Variants in ARF4 observed in about 807,000 individuals in gnomAD.
ARF4 encodes the protein ADP-ribosylation factor 4.
ARF4 carries 5 observed loss-of-function variants against 24.3 expected under a neutral mutation model. The ratio of observed to expected loss-of-function variants is 0.21; its 90% CI spans 0.11 to 0.43. ARF4 has a LOEUF of 0.43. ARF4 is among the 20% of genes least tolerant of loss of function. The pLI is 1.00. For synonymous variants in ARF4, 62 were observed against 73.5 expected, an observed-to-expected ratio of 0.84 and a Z score of 0.80; for missense variants, 107 against 213.0, an observed-to-expected ratio of 0.50 and a Z score of 3.10.
At position 57,590,335 on chromosome 3, in the gene ARF4, A is replaced by C. The variant is rs182318092; in HGVS notation, c.68-5871T>G. Among the ~76,000 whole-genome samples, 615 of 150,648 alleles carry C rather than the reference A, an allele frequency of 4.1e-3. 1 individual carries two copies. The highest frequency in any genetic ancestry group is 7.0e-3 in the Middle Eastern group (2 of 286). On this transcript the variant is annotated intron_variant, in intron 1 of 5. Transcript: ENST00000303436. Reference sequence around the variant, plus strand: ...CCCTGTCTCTACTAAAAAATACAAAAATTAGCCGGGCGCAGTGGCGGGTGC... The same window carrying C: ...CCCTGTCTCTACTAAAAAATACAAACATTAGCCGGGCGCAGTGGCGGGTGC...
rs2069849416 is a variant in ARF4, at chr3:57,572,155, G to GT, written c.*56dup. The GT allele has an allele frequency of 7.2e-7, 1 of 1,386,434 alleles. No individual in the cohort carries two copies. The allele number at this position is 1,386,434 out of a possible 1,614,324, so 85.9% of individuals were successfully genotyped here. On this transcript the variant is annotated 3_prime_UTR_variant, in exon 6 of 6. Transcript: ENST00000303436. Reference sequence around the variant, plus strand: ...AACCAAGATACAAACTAATTTTGTTGTAACAAGCCTAGACCAATTTTATCA... The same window carrying GT: ...AACCAAGATACAAACTAATTTTGTTGTTAACAAGCCTAGACCAATTTTATCA...
At chr3:57,595,202 CT>C (rs1343478291) in intron 1 of ARF4, among the ~76,000 whole-genome samples, 1 of 152,092 alleles carries the variant, frequency 6.6e-6, no homozygotes, top group Non-Finnish European at 1.5e-5. Flanking sequence ...TTCCTTGCCC[CT>C]CTGATACTTT....
At chr3:57,594,422 C>T (rs1448498346) in intron 1 of ARF4, among the ~76,000 whole-genome samples, 1 of 152,150 alleles carries the variant, frequency 6.6e-6, no homozygotes, top group Non-Finnish European at 1.5e-5. Flanking sequence ...GCAGTATGGG[C>T]AATATCATCA....
rs1183921834 is a variant in ARF4 at position 57,572,304 on chromosome 3, A to G, written c.457-6T>C. 1 of 1,598,750 alleles carries G rather than the reference A, an allele frequency of 6.3e-7. No individual in the cohort carries two copies. Among genetic ancestry groups the G allele is most frequent in the Non-Finnish European group, 8.6e-7 (1 of 1,167,430 alleles). ...CAAGTGGCTTGAACATACCACTGTA[A>G]AGAGAAGACAAGAAAATACTTGATT... On this transcript the variant is annotated splice_polypyrimidine_tract_variant and splice_region_variant and intron_variant, in intron 5 of 5. Coordinates refer to ENST00000303436, the MANE Select transcript of ARF4 (RefSeq NM_001660.4).
At chr3:57,580,405 C>A (rs1370300482) in intron 3 of ARF4, among the ~76,000 whole-genome samples, 1 of 151,774 alleles carries the variant, frequency 6.6e-6, no homozygotes. Context: ...TTTGTTTCTT[C>A]TTTTTTTCAA....
intron 1 of ARF4, among the ~76,000 whole-genome samples, chr3:57,595,952 C>CAA (rs1418504496): frequency 4.6e-5 from 6 of 129,658 alleles, no homozygotes; most frequent in South Asian, 2.4e-4. Context: ...ACTCCGTCTG[C>CAA]AAAAAAAAAA....
chr3:57,582,015 T>C (rs995670267), intron 3 of ARF4, among the ~76,000 whole-genome samples: 3 of 152,200 alleles, frequency 2.0e-5, no homozygotes, highest in Non-Finnish European at 4.4e-5. Context: ...CCCTGGAGTA[T>C]ATCGGATTTT....
chr3:57,574,322 T>C (rs1255446966), intron 5 of ARF4, among the ~76,000 whole-genome samples: 1 of 152,140 alleles, frequency 6.6e-6, no homozygotes, highest in African/African-American at 2.4e-5. Flanking sequence ...AAAACTACTG[T>C]AAAAAGCCTA....
chr3:57,595,763 A>G (rs577545512), intron 1 of ARF4, among the ~76,000 whole-genome samples: 2 of 152,234 alleles, frequency 1.3e-5, no homozygotes, highest in South Asian at 4.1e-4. Flanking sequence ...AGACTGGCCA[A>G]CGTGGTGAAA....
intron 3 of ARF4, among the ~76,000 whole-genome samples, chr3:57,581,042 G>A (rs2069964800): frequency 6.6e-6 from 1 of 152,060 alleles, no homozygotes; most frequent in African/African-American, 2.4e-5. Context: ...AGAAAAGCTA[G>A]GATTCTACAG....
Position 57,597,229 on chromosome 3 carries a change from CG to C in ARF4, c.-90del, listed in dbSNP as rs2070201328. On this transcript the variant is annotated 5_prime_UTR_variant, in exon 1 of 6. Transcript: ENST00000303436. Reference sequence around the variant, plus strand: ...CTTTCAAGCTCCCAGGCAAACTAAACGAGAGGGAAGAGAAAGAGCGGAGGAA... The same window carrying C: ...CTTTCAAGCTCCCAGGCAAACTAAACAGAGGGAAGAGAAAGAGCGGAGGAA... 5 of 1,287,144 alleles carry C rather than the reference CG, an allele frequency of 3.9e-6. No individual in the cohort carries two copies. Among genetic ancestry groups the C allele is most frequent in the Non-Finnish European group, 4.4e-6 (4 of 902,178 alleles). The allele number at this position is 1,287,144 out of a possible 1,614,324, so 79.7% of individuals were successfully genotyped here. A position where few individuals can be genotyped will look rare whatever the true frequency, so the allele number is the denominator to read the frequency against.
In ARF4 at chr3:57,575,634, A is replaced by AAG; in HGVS notation, c.369_370insCT (p.Phe124LeufsTer17). On this transcript the variant is annotated frameshift_variant, in exon 5 of 6. Coordinates refer to ENST00000303436, the MANE Select transcript of ARF4 (RefSeq NM_001660.4). LOFTEE classifies it high-confidence loss of function. ...TTTGGCAAATCCTGTTTGTTTGCAA[A>AAG]AAGTAGCAGCACTGCATCTCTCAAT... The AAG allele has an allele frequency of 6.2e-7, 1 of 1,613,542 alleles. No individual in the cohort carries two copies. Among genetic ancestry groups the AAG allele is most frequent in the Non-Finnish European group, 8.5e-7 (1 of 1,179,826 alleles).
In ARF4 at chr3:57,580,789, TA is replaced by T. The variant is rs1215628192; in HGVS notation, c.258+3108del. 3.1e-3 allele frequency among the ~76,000 whole-genome samples: 459 copies of T among 150,382 alleles called. 2 individuals carry two copies. Among genetic ancestry groups the T allele is most frequent in the African/African-American group, 0.011 (433 of 40,998 alleles). On this transcript the variant is annotated intron_variant, in intron 3 of 5. Transcript: ENST00000303436. ...CATTTTTATTCTTTTTTTTTTTTTT[TA>T]AATGTAAAGACAGGGTCTCACTATG... is the stretch of plus-strand genomic sequence containing the variant.
chr3:57,593,853 C>T (rs1417803819), intron 1 of ARF4, among the ~76,000 whole-genome samples: 1 of 152,082 alleles, frequency 6.6e-6, no homozygotes, highest in Non-Finnish European at 1.5e-5. Flanking sequence ...GTGAGACCTT[C>T]TTGCTACAAA....
intron 4 of ARF4, among the ~76,000 whole-genome samples, chr3:57,575,966 G>A (rs1210502558): frequency 2.0e-5 from 3 of 152,222 alleles, no homozygotes; most frequent in Middle Eastern, 6.8e-3. Context: ...CCATTGTCAG[G>A]ACTGATAAGG....
At chr3:57,572,800 AAAG>A (rs1463561934) in intron 5 of ARF4, among the ~76,000 whole-genome samples, 1 of 152,186 alleles carries the variant, frequency 6.6e-6, no homozygotes, top group African/African-American at 2.4e-5. Context: ...TAATCTGAAA[AAAG>A]AAATCATGGG....
intron 1 of ARF4, among the ~76,000 whole-genome samples, chr3:57,594,341 G>A (rs1338531470): frequency 2.0e-5 from 3 of 152,126 alleles, no homozygotes; most frequent in African/African-American, 4.8e-5. Context: ...TCCCAACCTG[G>A]CCTCCCAAAG....
At chr3:57,596,106 G>A (rs2070179058) in intron 1 of ARF4, among the ~76,000 whole-genome samples, 1 of 152,106 alleles carries the variant, frequency 6.6e-6, no homozygotes, top group Admixed American at 6.6e-5. Context: ...ACAGTAACCG[G>A]GAGCGGTTGC....
At chr3:57,592,443 G>A (rs2070126960) in intron 1 of ARF4, among the ~76,000 whole-genome samples, 1 of 152,118 alleles carries the variant, frequency 6.6e-6, no homozygotes. Flanking sequence ...ACCTGAGATT[G>A]CACCACTGTA....
Sources: gnomAD v4.1 joint callset for allele counts (sites outside exome capture counted in the v4.1 genomes callset) on GRCh38, gnomAD v4.1.1 for gene constraint, MANE v1.5 for transcripts, NCBI Gene and HGNC (gene_info 2026-07-23, HGNC 2026-07-21) for gene names.